Variants in MAP7D2 observed in about 807,000 individuals in gnomAD.
The protein encoded by MAP7D2 is MAP7 domain containing 2.
Under a neutral mutation model 63.5 loss-of-function variants are expected in MAP7D2, and 33 were observed. The observed-to-expected ratio is 0.52, with a 90% CI of 0.39 to 0.70. The LOEUF (loss-of-function observed/expected upper bound fraction) is 0.70. Ranked by LOEUF, MAP7D2 falls within the 30% of genes least tolerant of loss-of-function variation. MAP7D2 has a pLI of 0.00. For synonymous variants in MAP7D2, 224 were observed against 223.7 expected (o/e 1.00, Z -0.01); for missense variants, 626 against 604.0 (o/e 1.04, Z -0.38).
intron 9 of MAP7D2, among the ~76,000 whole-genome samples, chrX:20,025,340 C>T (rs1468881130): frequency 8.9e-6 from 1 of 112,148 alleles, no homozygotes; most frequent in Non-Finnish European, 1.9e-5. Context: ...AGTGCCACAG[C>T]AGCCACCATC....
chrX:20,051,358 T>C (rs886499805), intron 5 of MAP7D2, among the ~76,000 whole-genome samples: 1 of 111,131 alleles, frequency 9.0e-6, no homozygotes. Context: ...GAGACCACCC[T>C]GGGCAACGTG....
chrX:20,052,848 T>C, intron 5 of MAP7D2, 30 bp downstream of exon 5: 2 of 1,086,661 alleles, frequency 1.8e-6, no homozygotes, highest in African/African-American at 1.8e-5. Context: ...AGAAACAAAC[T>C]AGAGAGACCA....
rs999981758 is a variant in MAP7D2 at position 20,016,297 on chromosome X, C to A, written c.1441G>T (p.Ala481Ser). ...RLEREELKRK[A>S]EEERLRLEEE... ...TCTAGGCGAAGCCTTTCCTCCTCTG[C>A]CTTTCTTTTCAATTCCTCTCTCTCC... The change falls in exon 11 of 17, where the codon GCA (alanine) becomes TCA (serine). Residue 481 changes from alanine (A) to serine (S), a missense_variant. By Grantham distance (99) the Ala-to-Ser change is moderately conservative. Coordinates refer to ENST00000379643, the MANE Select transcript of MAP7D2 (RefSeq NM_001168465.2). 3 of 1,210,940 alleles carry A rather than the reference C, an allele frequency of 2.5e-6. No individual in the cohort carries two copies. Among genetic ancestry groups the A allele is most frequent in the African/African-American group, 3.5e-5 (2 of 57,706 alleles).
At chrX:20,053,969 G>A (rs1051677235) in intron 4 of MAP7D2, among the ~76,000 whole-genome samples, 3 of 111,243 alleles carry the variant, frequency 2.7e-5, no homozygotes, top group Admixed American at 9.5e-5. Context: ...TCAACCTCCT[G>A]AGTAGCTGGG....
intron 1 of MAP7D2, among the ~76,000 whole-genome samples, chrX:20,100,710 T>C (rs2066408399): frequency 9.0e-6 from 1 of 111,138 alleles, no homozygotes; most frequent in Admixed American, 9.6e-5. Flanking sequence ...AGCCAAGGAA[T>C]GCAGGCAGCC....
intron 10 of MAP7D2, among the ~76,000 whole-genome samples, chrX:20,019,430 T>C (rs1053801119): frequency 9.0e-6 from 1 of 111,726 alleles, no homozygotes. Context: ...TGTGCATTAC[T>C]GTCATCATTT....
At chrX:20,050,302 T>C (rs2064912623) in intron 6 of MAP7D2, among the ~76,000 whole-genome samples, 2 of 111,994 alleles carry the variant, frequency 1.8e-5, no homozygotes, top group Admixed American at 1.9e-4. Flanking sequence ...GACCACCTTT[T>C]GAGTAGTGAG....
chrX:20,018,281 T>G (rs2073490005), intron 10 of MAP7D2, among the ~76,000 whole-genome samples: 1 of 109,611 alleles, frequency 9.1e-6, no homozygotes, highest in Non-Finnish European at 1.9e-5. Flanking sequence ...TTCTTGTTTT[T>G]TACCATCAGG....
chrX:20,116,653 C>G, intron 1 of MAP7D2, 97 bp downstream of exon 1: 1 of 1,034,054 alleles, frequency 9.7e-7, no homozygotes, highest in Non-Finnish European at 1.2e-6. Flanking sequence ...CGTGCCCCTT[C>G]CCCCCACGCT....
At position 20,094,552 on chromosome X, in the gene MAP7D2, A is replaced by ATATATATATATATGTG. The variant is rs2066193886; in HGVS notation, c.130+22197_130+22198insCACATATATATATATA. ...TATATATATATATATGTATATATAT[A>ATATATATATATATGTG]TATATATATATATATACATATATAT... is the stretch of plus-strand genomic sequence containing the variant. On this transcript the variant is annotated intron_variant, in intron 1 of 16. Coordinates refer to ENST00000379643, the MANE Select transcript of MAP7D2 (RefSeq NM_001168465.2). Among the ~76,000 whole-genome samples the ATATATATATATATGTG allele has an allele frequency of 2.8e-4, 3 of 10,775 alleles. 1 individual carries two copies. The Admixed American group carries it at 5.8e-3, about 21-fold the overall frequency. The allele number at this position is 10,775 out of a possible 115,157, so 9.4% of individuals were successfully genotyped here.
At position 20,116,695 on chromosome X, in the gene MAP7D2, C is replaced by A. The variant is rs181564597; in HGVS notation, c.130+55G>T. 8.2e-6 allele frequency: 9 copies of A among 1,103,826 alleles called. No individual in the cohort carries two copies. The East Asian group carries it at 3.2e-4, about 40-fold the overall frequency. 91.0% of individuals were successfully genotyped at this position (1,103,826 alleles called of 1,213,427 possible). A position where few individuals can be genotyped will look rare whatever the true frequency, so the allele number is the denominator to read the frequency against. ...CCTTTGCCCTGGGCCGCCGGGCCCG[C>A]CCCCCCACAGGAACCCGAAGCCCTC... On this transcript the variant is annotated intron_variant, in intron 1 of 16. Coordinates refer to ENST00000379643, the MANE Select transcript of MAP7D2 (RefSeq NM_001168465.2).
intron 1 of MAP7D2, among the ~76,000 whole-genome samples, chrX:20,094,536 A>ATATGTG (rs2066184035): frequency 1.0e-4 from 1 of 9,527 alleles, no homozygotes; most frequent in Non-Finnish European, 1.6e-4. Context: ...ATATATATAT[A>ATATGTG]TATATGTATA....
intron 3 of MAP7D2, among the ~76,000 whole-genome samples, chrX:20,059,681 C>G (rs190116363): frequency 1.2e-5 from 1 of 80,598 alleles, no homozygotes; most frequent in South Asian, 6.1e-4. Context: ...GGAAGAAAGA[C>G]AGGAAGGAAG....
intron 1 of MAP7D2, among the ~76,000 whole-genome samples, chrX:20,082,673 G>A (rs1006498882): frequency 8.9e-6 from 1 of 111,840 alleles, no homozygotes; most frequent in African/African-American, 3.3e-5. Context: ...CTGTTGTCGG[G>A]GCTGCAGTGC....
intron 3 of MAP7D2, among the ~76,000 whole-genome samples, chrX:20,061,105 G>C (rs2065211555): frequency 2.8e-5 from 2 of 72,654 alleles, no homozygotes; most frequent in South Asian, 9.7e-4. Context: ...GGCTGACAGA[G>C]ACAGAACATG....
chrX:20,060,770 CACCCCTCCCTGGG>C (rs1298718932), intron 3 of MAP7D2, among the ~76,000 whole-genome samples: 2 of 110,812 alleles, frequency 1.8e-5, no homozygotes, highest in East Asian at 5.7e-4. Flanking sequence ...AGAACCACCC[CACCCCTCCCTGGG>C]ACCCCTCCCT....
At chrX:20,064,599 C>A in intron 2 of MAP7D2, 129 bp downstream of exon 2, 1 of 527,707 alleles carries the variant, frequency 1.9e-6, no homozygotes, top group Non-Finnish European at 3.2e-6. Context: ...TAGGTTCACG[C>A]CTGATTCTTC....
At chrX:20,019,006 A>G (rs2073531470) in intron 10 of MAP7D2, among the ~76,000 whole-genome samples, 1 of 108,729 alleles carries the variant, frequency 9.2e-6, no homozygotes, top group African/African-American at 3.4e-5. Flanking sequence ...TCCAAAGTTC[A>G]TCAGCTCTGT....
rs1443719918 is a variant in MAP7D2, at chrX:20,083,953, C to A, written c.131-19148G>T. Among the ~76,000 whole-genome samples the A allele has an allele frequency of 2.7e-5, 3 of 111,482 alleles. No individual in the cohort carries two copies. The Admixed American group carries it at 2.9e-4, about 11-fold the overall frequency. ...CCTTGGCTCAGGCCTGTAATCCCAA[C>A]ACTTTGGGAGGCTGAGACGAGTGGA... is the stretch of plus-strand genomic sequence containing the variant. On this transcript the variant is annotated intron_variant, in intron 1 of 16. Coordinates refer to ENST00000379643, the MANE Select transcript of MAP7D2 (RefSeq NM_001168465.2).
Sources: allele counts gnomAD v4.1 joint callset (sites outside exome capture counted in the v4.1 genomes callset), GRCh38; gene constraint gnomAD v4.1.1; transcripts MANE v1.5; gene names NCBI Gene and HGNC (gene_info 2026-07-23, HGNC 2026-07-21).